The following PHEX variants were observed in gnomAD, a reference collection of about 807,000 sequenced individuals.
The protein encoded by PHEX is phosphate regulating endopeptidase X-linked.
PHEX carries 16 observed loss-of-function variants against 68.0 expected under a neutral mutation model. The ratio of observed to expected loss-of-function variants is 0.24; its 90% CI spans 0.16 to 0.36. The LOEUF (loss-of-function observed/expected upper bound fraction) is 0.36. PHEX is among the 10% of genes least tolerant of loss of function. PHEX has a pLI of 1.00. For synonymous variants in PHEX, 208 were observed against 205.1 expected, an observed-to-expected ratio of 1.01 and a Z score of -0.12; for missense variants, 480 against 575.5, an observed-to-expected ratio of 0.83 and a Z score of 1.70.
At chrX:22,099,669 A>G (rs1371571705) in intron 9 of PHEX, among the ~76,000 whole-genome samples, 1 of 112,092 alleles carries the variant, frequency 8.9e-6, no homozygotes, top group Non-Finnish European at 1.9e-5. Context: ...ATTTTAAAGA[A>G]TGTTTTAGAA....
At chrX:22,225,213 C>T (rs764763857) in intron 18 of PHEX, among the ~76,000 whole-genome samples, 259 of 109,493 alleles carry the variant, frequency 2.4e-3, no homozygotes, top group African/African-American at 7.9e-3. Flanking sequence ...TCCTGCCTCC[C>T]TTTTCCTCTT....
intron 20 of PHEX, among the ~76,000 whole-genome samples, chrX:22,232,060 T>C (rs2147191868): frequency 8.9e-6 from 1 of 112,198 alleles, no homozygotes; most frequent in East Asian, 2.8e-4. Flanking sequence ...TTGTTCAGTT[T>C]CCATGTAGCT....
At chrX:22,144,528 T>C (rs1456815631) in intron 12 of PHEX, among the ~76,000 whole-genome samples, 2 of 111,308 alleles carry the variant, frequency 1.8e-5, no homozygotes, top group Non-Finnish European at 3.8e-5. Flanking sequence ...TTGAGAATTT[T>C]AAAGCTAATT....
chrX:22,224,041 G>C (rs1265423529), intron 18 of PHEX, among the ~76,000 whole-genome samples: 1 of 112,154 alleles, frequency 8.9e-6, no homozygotes, highest in Non-Finnish European at 1.9e-5. Flanking sequence ...GGAGTGCGGT[G>C]GTGTGATCTC....
intron 14 of PHEX, among the ~76,000 whole-genome samples, chrX:22,185,502 A>G (rs1181396908): frequency 9.0e-5 from 10 of 111,699 alleles, no homozygotes; most frequent in African/African-American, 3.3e-4. Flanking sequence ...ACTAGTAATT[A>G]CACACACCAC....
chrX:22,143,509 C>A lies in PHEX; in HGVS notation c.1404+9885C>A, dbSNP rs773094646. ...GTGTGATCACCACCTCTATCCAGTT[C>A]CAAAACATTTTTGTAACTCCCAAAG... On this transcript the variant is annotated intron_variant, in intron 12 of 21. Transcript: ENST00000379374. Among the ~76,000 whole-genome samples the A allele has an allele frequency of 3.6e-5, 4 of 110,175 alleles. No homozygotes were observed. The South Asian group carries it at 1.1e-3, about 30-fold the overall frequency.
At chrX:22,054,900 G>A (rs375690905) in intron 3 of PHEX, among the ~76,000 whole-genome samples, 5 of 109,946 alleles carry the variant, frequency 4.5e-5, no homozygotes, top group African/African-American at 1.3e-4. Context: ...AGGGCTGGGC[G>A]TGGTGACTCA....
intron 13 of PHEX, chrX:22,169,963 C>T (rs1228468408): frequency 8.9e-6 from 1 of 112,320 alleles, no homozygotes; most frequent in African/African-American, 3.2e-5. Flanking sequence ...AGCCTACTTC[C>T]TATAAAGGGT....
At position 22,248,490 on chromosome X, in the gene PHEX, C is replaced by T. The variant is rs1451601581; in HGVS notation, c.*537C>T. The T allele has an allele frequency of 8.4e-6, 1 of 118,820 alleles. No individual in the cohort carries two copies. The highest frequency in any genetic ancestry group is 3.2e-5 in the African/African-American group (1 of 30,929). 9.8% of individuals were successfully genotyped at this position (118,820 alleles called of 1,213,427 possible). A position where few individuals can be genotyped will look rare whatever the true frequency, so the allele number is the denominator to read the frequency against. ...TAGTTAAATTAGAAATATGTTTGAT[C>T]TCCATTTTACACTTTTTGATGAAGT... On this transcript the variant is annotated 3_prime_UTR_variant, in exon 22 of 22. Coordinates refer to ENST00000379374, the MANE Select transcript of PHEX (RefSeq NM_000444.6).
chrX:22,168,625 A>G (rs1307355793), intron 13 of PHEX, among the ~76,000 whole-genome samples: 1 of 112,137 alleles, frequency 8.9e-6, no homozygotes, highest in African/African-American at 3.2e-5. Context: ...CCAAAAAACA[A>G]ATGGACTTGG....
chrX:22,214,057 A>T (rs1053899841), intron 16 of PHEX, among the ~76,000 whole-genome samples: 3 of 112,337 alleles, frequency 2.7e-5, no homozygotes, highest in African/African-American at 9.7e-5. Flanking sequence ...AAAATGACAT[A>T]AACTTATAAG....
At chrX:22,231,230 C>T (rs1935723314) in intron 20 of PHEX, among the ~76,000 whole-genome samples, 1 of 110,492 alleles carries the variant, frequency 9.1e-6, no homozygotes, top group African/African-American at 3.3e-5. Context: ...TGAAAGTTTT[C>T]TTTTTTTTTG....
At chrX:22,218,899 A>G (rs1935176403) in intron 16 of PHEX, 137 bp from the exon 17 acceptor site, 1 of 479,414 alleles carries the variant, frequency 2.1e-6, no homozygotes, top group Admixed American at 3.1e-5. Context: ...TTACAGCTTT[A>G]TGGGTATGGT....
intron 14 of PHEX, among the ~76,000 whole-genome samples, chrX:22,180,004 G>C (rs1393505409): frequency 1.9e-5 from 2 of 105,433 alleles, no homozygotes; most frequent in Non-Finnish European, 3.9e-5. Flanking sequence ...TTTTTCTGAG[G>C]CTTTTTTTTT....
At chrX:22,127,798 A>G (rs902138549) in intron 11 of PHEX, among the ~76,000 whole-genome samples, 6 of 108,760 alleles carry the variant, frequency 5.5e-5, no homozygotes, top group Middle Eastern at 4.7e-3. Flanking sequence ...GGCTCATGGG[A>G]AAAAAAAAGT....
At chrX:22,143,569 T>TC (rs1195812510) in intron 12 of PHEX, among the ~76,000 whole-genome samples, 3 of 112,319 alleles carry the variant, frequency 2.7e-5, no homozygotes, top group African/African-American at 9.7e-5. Flanking sequence ...CACTCTCCAT[T>TC]CCCCACTCCC....
At chrX:22,184,726 C>T in intron 14 of PHEX, among the ~76,000 whole-genome samples, 1 of 111,975 alleles carries the variant, frequency 8.9e-6, no homozygotes, top group South Asian at 3.7e-4. Context: ...CCTTCTTTGA[C>T]AGAAATTATT....
chrX:22,114,624 A>G (rs754964326), intron 11 of PHEX, 38 bp downstream of exon 11: 3 of 1,153,091 alleles, frequency 2.6e-6, no homozygotes, highest in East Asian at 3.0e-5. Context: ...AATAATGGCA[A>G]TTTAGCCAGA....
intron 12 of PHEX, 107 bp downstream of exon 12, chrX:22,133,731 C>A (rs1249267127): frequency 3.8e-5 from 22 of 581,927 alleles, no homozygotes; most frequent in Non-Finnish European, 5.7e-6. Flanking sequence ...ACTGTTGACT[C>A]TGAATGACCC....
Sources: gnomAD v4.1 joint callset for allele counts (sites outside exome capture counted in the v4.1 genomes callset) on GRCh38, gnomAD v4.1.1 for gene constraint, MANE v1.5 for transcripts, NCBI Gene and HGNC (gene_info 2026-07-23, HGNC 2026-07-21) for gene names.